The following PCDHA6 variants were observed in gnomAD, a reference collection of about 807,000 sequenced individuals.
PCDHA6 encodes protocadherin alpha 6.
A neutral mutation model predicts 60.3 loss-of-function variants in PCDHA6; 55 were observed. The ratio of observed to expected loss-of-function variants is 0.91; its 90% CI spans 0.73 to 1.14. PCDHA6 has a LOEUF of 1.14. PCDHA6 is among the 50% of genes most tolerant of loss of function. PCDHA6 has a pLI of 0.00. For synonymous variants in PCDHA6, 652 were observed against 557.9 expected (o/e 1.17, Z -2.38); for missense variants, 1,327 against 1,256.5 (o/e 1.06, Z -0.85).
intron 1 of PCDHA6, among the ~76,000 whole-genome samples, chr5:140,944,593 TG>T: frequency 6.6e-6 from 1 of 152,318 alleles, no homozygotes; most frequent in South Asian, 2.1e-4. Flanking sequence ...AGAATTTCCC[TG>T]GGTAGAGTAG....
chr5:140,851,897 C>T (rs1308914587), intron 1 of PCDHA6: 1 of 973,518 alleles, frequency 1.0e-6, no homozygotes, highest in African/African-American at 1.8e-5. Context: ...TGAGATTTGC[C>T]TCTTTAATGT....
At chr5:140,882,319 G>A in intron 1 of PCDHA6, 1 of 1,614,136 alleles carries the variant, frequency 6.2e-7, no homozygotes, top group Admixed American at 1.7e-5. Context: ...TACTGCTCTG[G>A]CTTCTGATCC....
rs782277287 is a variant in PCDHA6 at position 140,929,397 on chromosome 5, T to C, written c.2395-49552T>C. 4.6e-6 allele frequency: 7 copies of C among 1,509,852 alleles called. No homozygotes were observed. In the South Asian group the frequency reaches 9.5e-5, roughly 21 times the overall value. The allele number at this position is 1,509,852 out of a possible 1,614,324, so 93.5% of individuals were successfully genotyped here. A position where few individuals can be genotyped will look rare whatever the true frequency, so the allele number is the denominator to read the frequency against. Reference sequence around the variant, plus strand: ...GCTAGCTGTGTTTTGAAATATTTCTTAGACAAGCCTTTCACAACATTTCAT... The same window carrying C: ...GCTAGCTGTGTTTTGAAATATTTCTCAGACAAGCCTTTCACAACATTTCAT... On this transcript the variant is annotated intron_variant, in intron 1 of 3. Transcript: ENST00000529310.
chr5:140,851,936 G>C (rs1554145612), intron 1 of PCDHA6: 1 of 965,662 alleles, frequency 1.0e-6, no homozygotes, highest in African/African-American at 1.8e-5. Flanking sequence ...CTGAATTGTA[G>C]TATGTGACTT....
At chr5:140,909,438 T>C (rs2074496860) in intron 1 of PCDHA6, among the ~76,000 whole-genome samples, 1 of 152,222 alleles carries the variant, frequency 6.6e-6, no homozygotes, top group Non-Finnish European at 1.5e-5. Context: ...GATAATCCAC[T>C]GTCATTCTCC....
intron 1 of PCDHA6, 104 bp downstream of exon 1, chr5:140,830,589 T>C (rs1025294463): frequency 8.4e-5 from 61 of 722,306 alleles, no homozygotes; most frequent in Non-Finnish European, 1.2e-4. Context: ...TAATTAATTT[T>C]ACAAAATTAC....
At chr5:140,875,921 C>T (rs782082764) in intron 1 of PCDHA6, 57 of 1,614,110 alleles carry the variant, frequency 3.5e-5, no homozygotes, top group Non-Finnish European at 4.8e-5. Context: ...CCTCTGGACT[C>T]TCATTTTCCT....
chr5:140,921,693 C>A (rs115825687), intron 1 of PCDHA6, among the ~76,000 whole-genome samples: 103 of 152,244 alleles, frequency 6.8e-4, no homozygotes, highest in African/African-American at 2.4e-3. Flanking sequence ...CTGGCCACCT[C>A]AATTTTAAAC....
At chr5:140,855,112 C>T (rs2043341257) in intron 1 of PCDHA6, among the ~76,000 whole-genome samples, 1 of 149,738 alleles carries the variant, frequency 6.7e-6, no homozygotes, top group South Asian at 2.1e-4. Flanking sequence ...ATAATTAAGG[C>T]ATTCTATAGG....
At chr5:140,925,740 G>T (rs1008956010) in intron 1 of PCDHA6, among the ~76,000 whole-genome samples, 19 of 151,764 alleles carry the variant, frequency 1.3e-4, no homozygotes, top group African/African-American at 4.6e-4. Flanking sequence ...AATATTTACA[G>T]AAAGAAAATT....
At chr5:140,891,201 T>C (rs1301476369) in intron 1 of PCDHA6, among the ~76,000 whole-genome samples, 3 of 152,214 alleles carry the variant, frequency 2.0e-5, no homozygotes, top group Non-Finnish European at 4.4e-5. Context: ...TTTGCAGTTT[T>C]ACCATGCTGT....
At chr5:140,844,475 T>C (rs1474799888) in intron 1 of PCDHA6, among the ~76,000 whole-genome samples, 1 of 148,876 alleles carries the variant, frequency 6.7e-6, no homozygotes. Flanking sequence ...TTTTTGAGCC[T>C]CTATGTTTAG....
intron 1 of PCDHA6, chr5:140,969,220 G>A (rs2096308533): frequency 6.2e-7 from 1 of 1,614,084 alleles, no homozygotes; most frequent in African/African-American, 1.3e-5. Flanking sequence ...CAGGACCAGG[G>A]CCTTCGGGAG....
rs144119560 is a variant in PCDHA6 at position 140,883,581 on chromosome 5, C to G, written c.2394+53096C>G. ...GGGGGCTCGCCTTCGCTGTGGGCCACGGCCAGCGTGTCGGTGGGGGTGGCC... is the reference window on the plus strand; with the variant it reads ...GGGGGCTCGCCTTCGCTGTGGGCCAGGGCCAGCGTGTCGGTGGGGGTGGCC... On this transcript the variant is annotated intron_variant, in intron 1 of 3. Coordinates refer to ENST00000529310, the MANE Select transcript of PCDHA6 (RefSeq NM_018909.4). 2.6e-4 allele frequency: 420 copies of G among 1,614,018 alleles called. 1 individual carries two copies. In the African/African-American group the frequency reaches 5.3e-3, roughly 20 times the overall value.
At chr5:140,956,924 G>A (rs2095321295) in intron 1 of PCDHA6, among the ~76,000 whole-genome samples, 2 of 151,898 alleles carry the variant, frequency 1.3e-5, no homozygotes, top group Non-Finnish European at 2.9e-5. Flanking sequence ...TAATCTTGCT[G>A]GATATAGGAT....
intron 1 of PCDHA6, among the ~76,000 whole-genome samples, chr5:140,932,017 G>GT (rs1385498128): frequency 2.6e-5 from 4 of 151,792 alleles, no homozygotes; most frequent in African/African-American, 9.7e-5. Context: ...TTAGTTTACG[G>GT]TAAGTTTACA....
At chr5:140,850,799 C>G (rs576094644) in intron 1 of PCDHA6, 1 of 1,598,148 alleles carries the variant, frequency 6.3e-7, no homozygotes, top group Non-Finnish European at 8.6e-7. Context: ...AGAAGACCGA[C>G]CTCATGGCCT....
At chr5:140,869,020 T>C in intron 1 of PCDHA6, 8 of 1,525,458 alleles carry the variant, frequency 5.2e-6, no homozygotes, top group Non-Finnish European at 7.0e-6. Flanking sequence ...TTCTTAAGAA[T>C]TCAACGAGAT....
chr5:140,900,381 G>A lies in PCDHA6; in HGVS notation c.2394+69896G>A, dbSNP rs149167159. 1.2e-4 allele frequency among the ~76,000 whole-genome samples: 19 copies of A among 152,024 alleles called. 1 individual carries two copies. The East Asian group carries it at 2.1e-3, about 17-fold the overall frequency. ...CAACCTCTGCCTCCTGGGTTCAAGC[G>A]ATTCTCCTGCCTCAGCCTCCCAAGT... is the stretch of plus-strand genomic sequence containing the variant. On this transcript the variant is annotated intron_variant, in intron 1 of 3. Transcript: ENST00000529310.
Sources: gnomAD v4.1 joint callset for allele counts (sites outside exome capture counted in the v4.1 genomes callset) on GRCh38, gnomAD v4.1.1 for gene constraint, MANE v1.5 for transcripts, NCBI Gene and HGNC (gene_info 2026-07-23, HGNC 2026-07-21) for gene names.